MBOAT1: variants seen among roughly 807,000 people sequenced by gnomAD.
MBOAT1 encodes the protein membrane bound glycerophospholipid O-acyltransferase 1.
Under a neutral mutation model 64.4 loss-of-function variants are expected in MBOAT1, and 67 were observed. That is an observed-to-expected ratio of 1.04 (90% CI 0.85 to 1.27). The LOEUF (loss-of-function observed/expected upper bound fraction) is 1.27. MBOAT1 is among the 50% of genes most tolerant of loss of function. The pLI, the probability that MBOAT1 is intolerant of heterozygous loss-of-function variation, is 0.00. For missense variants in MBOAT1, 563 were observed against 604.6 expected, an observed-to-expected ratio of 0.93 and a Z score of 0.72; for synonymous variants, 229 against 218.9, an observed-to-expected ratio of 1.05 and a Z score of -0.41.
intron 1 of MBOAT1, among the ~76,000 whole-genome samples, chr6:20,180,042 A>G (rs1762467434): frequency 6.6e-6 from 1 of 152,106 alleles, no homozygotes; most frequent in African/African-American, 2.4e-5. Flanking sequence ...GGTACTGGGG[A>G]TTTGCCGGGG....
chr6:20,168,618 GAA>G, intron 1 of MBOAT1, among the ~76,000 whole-genome samples: 1 of 123,070 alleles, frequency 8.1e-6, no homozygotes, highest in African/African-American at 3.1e-5. Flanking sequence ...GAAGAGAAGA[GAA>G]GAGAAGAGAA....
chr6:20,145,857 T>C (rs1761310743), intron 3 of MBOAT1, among the ~76,000 whole-genome samples: 1 of 152,260 alleles, frequency 6.6e-6, no homozygotes, highest in African/African-American at 2.4e-5. Flanking sequence ...ACCTCTTCTA[T>C]GTTACTTGGC....
chr6:20,122,508 G>T (rs899313337), intron 8 of MBOAT1, among the ~76,000 whole-genome samples: 2 of 152,174 alleles, frequency 1.3e-5, no homozygotes, highest in African/African-American at 4.8e-5. Flanking sequence ...TAAATTGAAA[G>T]TGTACAGAAA....
chr6:20,154,181 C>T (rs1352490833), intron 1 of MBOAT1, among the ~76,000 whole-genome samples: 2 of 152,176 alleles, frequency 1.3e-5, no homozygotes, highest in Non-Finnish European at 2.9e-5. Context: ...ATACTTTGGA[C>T]CCTTTGTAAC....
chr6:20,124,590 A>C lies in MBOAT1; in HGVS notation c.725T>G (p.Ile242Arg). ...CACCAAGGTGATGCCCAACTTGTGTATCACAGCTCCCTGAAAATGGGGAAA... is the reference window on the plus strand; with the variant it reads ...CACCAAGGTGATGCCCAACTTGTGTCTCACAGCTCCCTGAAAATGGGGAAA... Reference protein sequence around the residue: ...LPEPSPTGAVIHKLGITLVSL... With the variant: ...LPEPSPTGAVRHKLGITLVSL... Residue 242 changes from isoleucine to arginine, a missense_variant, in exon 8 of 13, where the codon ATA becomes AGA. Ile to Arg is a moderately conservative substitution (Grantham distance 97). Coordinates refer to ENST00000324607, the MANE Select transcript of MBOAT1 (RefSeq NM_001080480.3). The C allele has an allele frequency of 2.5e-6, 4 of 1,613,986 alleles. No homozygotes were observed. Among genetic ancestry groups the C allele is most frequent in the Non-Finnish European group, 3.4e-6 (4 of 1,179,920 alleles).
chr6:20,156,371 A>G (rs1476753736), intron 1 of MBOAT1, among the ~76,000 whole-genome samples: 1 of 152,064 alleles, frequency 6.6e-6, no homozygotes, highest in African/African-American at 2.4e-5. Flanking sequence ...AGACTTCATC[A>G]TGGATTAAAA....
At chr6:20,124,773 A>G (rs1193788919) in intron 7 of MBOAT1, among the ~76,000 whole-genome samples, 173 bp from the exon 8 acceptor site, 1 of 152,226 alleles carries the variant, frequency 6.6e-6, no homozygotes, top group African/African-American at 2.4e-5. Flanking sequence ...AATGGAGATT[A>G]GGTGCTATAT....
intron 8 of MBOAT1, among the ~76,000 whole-genome samples, chr6:20,121,921 T>A (rs1760503625): frequency 6.6e-6 from 1 of 152,146 alleles, no homozygotes; most frequent in African/African-American, 2.4e-5. Flanking sequence ...TCTCAGCACT[T>A]TGGGAGGCTG....
intron 12 of MBOAT1, among the ~76,000 whole-genome samples, chr6:20,107,263 G>T (rs1759986114): frequency 1.3e-5 from 2 of 152,140 alleles, no homozygotes; most frequent in Non-Finnish European, 2.9e-5. Flanking sequence ...TGGATTCTAT[G>T]TTCTGCCCAC....
At chr6:20,183,468 A>C (rs1242628962) in intron 1 of MBOAT1, among the ~76,000 whole-genome samples, 1 of 152,176 alleles carries the variant, frequency 6.6e-6, no homozygotes, top group Non-Finnish European at 1.5e-5. Flanking sequence ...TATACTTTGA[A>C]TTTGCCAGGA....
chr6:20,198,092 G>A (rs1425725543), intron 1 of MBOAT1, among the ~76,000 whole-genome samples: 2 of 151,938 alleles, frequency 1.3e-5, no homozygotes, highest in African/African-American at 2.4e-5. Flanking sequence ...GCCAGGCATG[G>A]TGGCAGGTGC....
chr6:20,136,209 C>T (rs561239068), intron 4 of MBOAT1, among the ~76,000 whole-genome samples: 15 of 152,310 alleles, frequency 9.8e-5, no homozygotes. Context: ...GCAGAGATCA[C>T]GCCTCTGGAC....
chr6:20,195,637 A>C (rs1174017367), intron 1 of MBOAT1, among the ~76,000 whole-genome samples: 1 of 142,154 alleles, frequency 7.0e-6, no homozygotes, highest in Non-Finnish European at 1.5e-5. Context: ...GTGTGTGTGC[A>C]TGTGCACTAA....
At chr6:20,111,024 T>A (rs1234076152) in intron 11 of MBOAT1, among the ~76,000 whole-genome samples, 1 of 152,226 alleles carries the variant, frequency 6.6e-6, no homozygotes, top group Non-Finnish European at 1.5e-5. Context: ...GCATGGCTCA[T>A]CTCTGGTTGA....
chr6:20,164,461 A>G (rs1162956922), intron 1 of MBOAT1, among the ~76,000 whole-genome samples: 5 of 152,234 alleles, frequency 3.3e-5, no homozygotes, highest in Middle Eastern at 6.3e-3. Flanking sequence ...CTTCACAAGT[A>G]TTAGATAGGC....
chr6:20,211,719 T>C (rs1448807789), intron 1 of MBOAT1, among the ~76,000 whole-genome samples: 2 of 152,092 alleles, frequency 1.3e-5, no homozygotes, highest in Non-Finnish European at 2.9e-5. Flanking sequence ...ATCTATAGAC[T>C]ACCGTCTACA....
intron 1 of MBOAT1, among the ~76,000 whole-genome samples, chr6:20,205,866 G>A (rs1763248398): frequency 6.6e-6 from 1 of 152,146 alleles, no homozygotes; most frequent in Non-Finnish European, 1.5e-5. Context: ...GTCAGTCACT[G>A]GACACCACCT....
intron 1 of MBOAT1, among the ~76,000 whole-genome samples, chr6:20,181,208 C>T (rs184319615): frequency 3.3e-5 from 5 of 152,214 alleles, no homozygotes; most frequent in African/African-American, 7.2e-5. Flanking sequence ...GGTGACTCCC[C>T]GCTCCCCAGG....
At chr6:20,115,428 T>G (rs549838615) in intron 9 of MBOAT1, 76 bp from the exon 10 acceptor site, 4 of 1,214,240 alleles carry the variant, frequency 3.3e-6, no homozygotes, top group Admixed American at 3.4e-5. Context: ...CCAGTTTCCC[T>G]GGCAGCAGGT....
Sources: allele counts gnomAD v4.1 joint callset (sites outside exome capture counted in the v4.1 genomes callset), GRCh38; gene constraint gnomAD v4.1.1; transcripts MANE v1.5; gene names NCBI Gene and HGNC (gene_info 2026-07-23, HGNC 2026-07-21).